GSTM4: variants seen among roughly 807,000 people sequenced by gnomAD.
GSTM4 encodes the protein GST class-mu 4.
GSTM4 carries 27 observed loss-of-function variants against 30.1 expected under a neutral mutation model. The observed-to-expected ratio is 0.90, with a 90% CI of 0.66 to 1.24. The LOEUF (loss-of-function observed/expected upper bound fraction) is 1.24, where lower values mean the gene tolerates loss of function less well. Among genes scored for constraint, GSTM4 ranks in the 50% most tolerant of loss-of-function variants. The pLI is 0.00. For synonymous variants in GSTM4, 94 were observed against 96.2 expected (o/e 0.98, Z 0.13); for missense variants, 238 against 272.1 (o/e 0.87, Z 0.88).
chr1:109,662,387 C>T (rs902549445), downstream of GSTM4, among the ~76,000 whole-genome samples: 7 of 152,196 alleles, frequency 4.6e-5, no homozygotes, highest in South Asian at 2.1e-4. Flanking sequence ...CAGCTTAGAT[C>T]TCTAGGACGC....
chr1:109,664,860 C>T (rs670439), downstream of GSTM4: 87,070 of 760,444 alleles, frequency 0.11, 5,736 homozygotes, highest in Non-Finnish European at 0.14. Flanking sequence ...TGAATCTACC[C>T]GTCCTTGAAT....
At position 109,659,618 on chromosome 1, in the gene GSTM4, A is replaced by G. The variant is rs572515456; in HGVS notation, c.567+508A>G. The G allele has an allele frequency of 4.3e-4, 161 of 372,332 alleles. 1 individual carries two copies. Among genetic ancestry groups the G allele is most frequent in the South Asian group, 2.7e-3 (117 of 43,418 alleles). The allele number at this position is 372,332 out of a possible 1,614,324, so 23.1% of individuals were successfully genotyped here. A position where few individuals can be genotyped will look rare whatever the true frequency, so the allele number is the denominator to read the frequency against. ...ACAGGCAGTATTCATAGCTACTCCC[A>G]GAAGCTTTGCACGATCAGACCCCCA... On this transcript the variant is annotated intron_variant, in intron 7 of 7. Transcript: ENST00000369836.
chr1:109,665,051 A>G, downstream of GSTM4: 1 of 1,437,328 alleles, frequency 7.0e-7, no homozygotes, highest in Non-Finnish European at 9.8e-7. Context: ...TTCTGCATCA[A>G]CTTGACTGGG....
chr1:109,663,969 T>C (rs1652385432), downstream of GSTM4, among the ~76,000 whole-genome samples: 1 of 152,250 alleles, frequency 6.6e-6, no homozygotes, highest in Admixed American at 6.5e-5. Context: ...TTTTTATTTA[T>C]GCCTACTTCT....
At chr1:109,665,987 G>A (rs992758775), downstream of GSTM4, among the ~76,000 whole-genome samples, 4 of 152,220 alleles carry the variant, frequency 2.6e-5, no homozygotes, top group African/African-American at 9.6e-5. Context: ...TAATGGGGGT[G>A]TTAAATGCAG....
At chr1:109,659,220 C>T (rs557429204) in intron 7 of GSTM4, 110 bp downstream of exon 7, 228 of 1,613,924 alleles carry the variant, frequency 1.4e-4, no homozygotes, top group East Asian at 1.0e-3. Context: ...TTATTGAGTG[C>T]TGGCTTCATG....
intron 2 of GSTM4, 76 bp from the exon 3 acceptor site, chr1:109,657,139 G>A: frequency 6.6e-7 from 1 of 1,511,118 alleles, no homozygotes; most frequent in Non-Finnish European, 9.2e-7. Context: ...CTTGCCACTG[G>A]TTCCTTGGGA....
At chr1:109,664,109 C>T (rs1647215477), downstream of GSTM4, among the ~76,000 whole-genome samples, 1 of 152,170 alleles carries the variant, frequency 6.6e-6, no homozygotes, top group Non-Finnish European at 1.5e-5. Flanking sequence ...TAATGGCTAT[C>T]ATTACTTCCT....
Position 109,661,224 on chromosome 1 carries a change from C to T in GSTM4, c.627C>T (p.Tyr209=), listed in dbSNP as rs1443245777. The change falls in exon 8 of 8, where the codon TAC becomes TAT. Residue 209 remains tyrosine, a synonymous_variant. Coordinates refer to ENST00000369836, the MANE Select transcript of GSTM4 (RefSeq NM_000850.5). ...KSSRFLPKPL[Y]TRVAVWGNK is the part of the protein sequence containing the mutation. ...GCCGCTTCCTCCCAAAACCTCTGTA[C>T]ACAAGGGTGGCTGTCTGGGGCAACA... The T allele has an allele frequency of 3.7e-6, 6 of 1,611,056 alleles. No homozygotes were observed. The highest frequency in any genetic ancestry group is 1.6e-4 in the Middle Eastern group (1 of 6,080).
intron 6 of GSTM4, 44 bp from the exon 7 acceptor site, chr1:109,658,956 T>G: frequency 6.2e-7 from 1 of 1,612,726 alleles, no homozygotes; most frequent in Non-Finnish European, 8.5e-7. Context: ...CCATACATCC[T>G]ACGTTACAGA....
chr1:109,664,222 C>T (rs1647218047), downstream of GSTM4, among the ~76,000 whole-genome samples: 1 of 151,810 alleles, frequency 6.6e-6, no homozygotes, highest in Non-Finnish European at 1.5e-5. Context: ...TAAACTAATT[C>T]CTTCTCTGGT....
At chr1:109,656,929 G>A (rs761754321) in intron 2 of GSTM4, 142 bp downstream of exon 2, 1 of 930,022 alleles carries the variant, frequency 1.1e-6, no homozygotes, top group Non-Finnish European at 1.8e-6. Flanking sequence ...CGGTGAGGGA[G>A]TCCTGTGGCC....
intron 5 of GSTM4, chr1:109,658,105 G>A (rs1056331340): frequency 1.6e-5 from 9 of 550,734 alleles, no homozygotes; most frequent in Non-Finnish European, 2.3e-5. Flanking sequence ...AAAGTCATGC[G>A]TTCAGAATTC....
chr1:109,657,891 T>A lies in GSTM4; in HGVS notation c.360+19T>A. ...TGACTTTGTGAGTCCCTCCCTGGTCTGGACCAGAAGCCAGGCTTGTATTCC... is the reference window on the plus strand; with the variant it reads ...TGACTTTGTGAGTCCCTCCCTGGTCAGGACCAGAAGCCAGGCTTGTATTCC... On this transcript the variant is annotated intron_variant, in intron 5 of 7. Coordinates refer to ENST00000369836, the MANE Select transcript of GSTM4 (RefSeq NM_000850.5). 1 of 1,605,072 alleles carries A rather than the reference T, an allele frequency of 6.2e-7. No individual in the cohort carries two copies. The highest frequency in any genetic ancestry group is 1.7e-4 in the Middle Eastern group (1 of 6,046).
chr1:109,665,173 G>T, downstream of GSTM4: 1 of 714,108 alleles, frequency 1.4e-6, no homozygotes. Flanking sequence ...AATGAAGGAG[G>T]CATCCACCAA....
At position 109,657,801 on chromosome 1, in the gene GSTM4, G is replaced by A. The variant is rs1652103160; in HGVS notation, c.289G>A (p.Val97Met). Reference sequence around the variant, plus strand: ...GGAGACAGAAGAGGAGAAGATTCGTGTGGACATTTTGGAGAACCAGGCTAT... The same window carrying A: ...GGAGACAGAAGAGGAGAAGATTCGTATGGACATTTTGGAGAACCAGGCTAT... ...CGETEEEKIR[V>M]DILENQAMDV... The change falls in exon 5 of 8, where the codon GTG becomes ATG. Residue 97 changes from valine (V) to methionine (M), a missense_variant. Val to Met is a conservative substitution (Grantham distance 21). Coordinates refer to ENST00000369836, the MANE Select transcript of GSTM4 (RefSeq NM_000850.5). 4 of 1,614,186 alleles carry A rather than the reference G, an allele frequency of 2.5e-6. No homozygotes were observed. The highest frequency in any genetic ancestry group is 3.4e-6 in the Non-Finnish European group (4 of 1,180,030).
At chr1:109,663,306 A>G (rs1251876691), downstream of GSTM4, among the ~76,000 whole-genome samples, 2 of 152,178 alleles carry the variant, frequency 1.3e-5, no homozygotes, top group East Asian at 3.8e-4. Context: ...CCAGAAGAGT[A>G]TCCAAGTGGA....
rs1021204929 is a variant in GSTM4 at position 109,661,354 on chromosome 1, C to T, written c.*100C>T. 2.2e-4 allele frequency: 345 copies of T among 1,586,636 alleles called. No homozygotes were observed. The highest frequency in any genetic ancestry group is 2.3e-4 in the Non-Finnish European group (271 of 1,165,804). On this transcript the variant is annotated 3_prime_UTR_variant, in exon 8 of 8. Coordinates refer to ENST00000369836, the MANE Select transcript of GSTM4 (RefSeq NM_000850.5). ...CTCTGCATCCCAGCACCTGCCTCCTCGTTCCTTTCTCCTGTTTATTCCCAT... is the reference window on the plus strand; with the variant it reads ...CTCTGCATCCCAGCACCTGCCTCCTTGTTCCTTTCTCCTGTTTATTCCCAT...
chr1:109,664,390 T>TA (rs1647232682), downstream of GSTM4, among the ~76,000 whole-genome samples: 1 of 133,798 alleles, frequency 7.5e-6, no homozygotes, highest in South Asian at 2.6e-4. Context: ...TGTGGAGTCT[T>TA]ACTCTGTCAC....
Sources: gnomAD v4.1 joint callset for allele counts (sites outside exome capture counted in the v4.1 genomes callset) on GRCh38, gnomAD v4.1.1 for gene constraint, MANE v1.5 for transcripts, NCBI Gene and HGNC (gene_info 2026-07-23, HGNC 2026-07-21) for gene names.